The following RPL4 variants were observed in gnomAD, a reference collection of about 807,000 sequenced individuals.
The protein encoded by RPL4 is ribosomal protein L4.
Under a neutral mutation model 47.7 loss-of-function variants are expected in RPL4, and 3 were observed. The ratio of observed to expected loss-of-function variants is 0.06; its 90% CI spans 0.03 to 0.16. The LOEUF is 0.16. RPL4 is among the 10% of genes least tolerant of loss of function. RPL4 has a pLI of 1.00. For missense variants in RPL4, 413 were observed against 551.3 expected (o/e 0.75, Z 2.51); for synonymous variants, 208 against 182.1 (o/e 1.14, Z -1.15).
chr15:66,503,772 C>G (rs1324634656), intron 1 of RPL4, among the ~76,000 whole-genome samples: 2 of 152,228 alleles, frequency 1.3e-5, no homozygotes, highest in Admixed American at 6.5e-5. Context: ...TTATAAAGCA[C>G]AATAGCTAAA....
At chr15:66,501,605 T>G (rs1000707260) in intron 5 of RPL4, 101 bp from the exon 6 acceptor site, 2 of 1,547,308 alleles carry the variant, frequency 1.3e-6, no homozygotes, top group Admixed American at 1.8e-5. Flanking sequence ...CTGGGCACAA[T>G]AACTTGCCAA....
In RPL4 at chr15:66,499,518, C is replaced by T; in HGVS notation, c.1173G>A (p.Lys391=). The T allele has an allele frequency of 6.2e-7, 1 of 1,612,516 alleles. No individual in the cohort carries two copies. ...KGKKAAVGVK[K]QKKPLVGKKA... ...TTTTTCCCACCAGAGGCTTCTTCTGCTTCTTAACACCAACAGCAGCCTTCT... is the reference window on the plus strand; with the variant it reads ...TTTTTCCCACCAGAGGCTTCTTCTGTTTCTTAACACCAACAGCAGCCTTCT... The change falls in exon 10 of 10, where the codon AAG becomes AAA. Residue 391 remains lysine, a synonymous_variant. Coordinates refer to ENST00000307961, the MANE Select transcript of RPL4 (RefSeq NM_000968.4).
intron 4 of RPL4, chr15:66,502,157 A>G (rs1893632100): frequency 8.0e-6 from 5 of 624,850 alleles, no homozygotes; most frequent in Admixed American, 6.4e-5. Flanking sequence ...CTAAGGATAT[A>G]CTAAACTACT....
chr15:66,503,252 A>C (rs1893661244), intron 2 of RPL4, 88 bp from the exon 3 acceptor site: 1 of 1,586,266 alleles, frequency 6.3e-7, no homozygotes. Context: ...CAGCATCAGA[A>C]CATCCGAGAA....
intron 9 of RPL4, 94 bp from the exon 10 acceptor site, chr15:66,499,746 G>A (rs1214065131): frequency 2.8e-5 from 44 of 1,544,144 alleles, no homozygotes; most frequent in Admixed American, 1.4e-4. Flanking sequence ...CAAACCAGCC[G>A]GGCACGGTGG....
At position 66,500,951 on chromosome 15, in the gene RPL4, G is replaced by A; in HGVS notation, c.831C>T (p.Tyr277=). 6 of 1,613,606 alleles carry A rather than the reference G, an allele frequency of 3.7e-6. No individual in the cohort carries two copies. Among genetic ancestry groups the A allele is most frequent in the Non-Finnish European group, 5.1e-6 (6 of 1,179,772 alleles). ...CTTAGTATATGAAAGATACTTACTT[G>A]TAGTTACTCTTGAGGGAAGCGGCTT... is the stretch of plus-strand genomic sequence containing the variant. ...WRKAASLKSN[Y]NLPMHKMINT... Residue 277 remains tyrosine, a splice_region_variant and synonymous_variant, in exon 7 of 10, where the codon TAC becomes TAT. Transcript: ENST00000307961.
chr15:66,503,839 C>A (rs1567035834), intron 1 of RPL4, among the ~76,000 whole-genome samples: 2 of 152,160 alleles, frequency 1.3e-5, no homozygotes, highest in Non-Finnish European at 2.9e-5. Context: ...ATCAGCAAAT[C>A]CTGTCTACCC....
chr15:66,499,836 AAT>A, intron 9 of RPL4, 184 bp from the exon 10 acceptor site: 1 of 926,634 alleles, frequency 1.1e-6, no homozygotes, highest in Non-Finnish European at 1.6e-6. Context: ...CCAGCCTAAC[AAT>A]ATAGTGACAC....
chr15:66,499,474 T>C lies in RPL4; in HGVS notation c.1217A>G (p.Lys406Arg). 1 of 1,612,018 alleles carries C rather than the reference T, an allele frequency of 6.2e-7. No homozygotes were observed. The highest frequency in any genetic ancestry group is 8.5e-7 in the Non-Finnish European group (1 of 1,179,856). ...TGCAGGCTTCTTTTCAGGGGCTGGT[T>C]TCTTGGTAGCTGCTGCCTTTTTTCC... ...LVGKKAAATK[K>R]PAPEKKPAEK... is the part of the protein sequence containing the mutation. Residue 406 changes from lysine (K) to arginine (R), a missense_variant, in exon 10 of 10, where the codon AAA becomes AGA. Transcript: ENST00000307961.
rs754564215 is a variant in RPL4, at chr15:66,504,840, G to C, written c.-50C>G. 1 of 1,606,456 alleles carries C rather than the reference G, an allele frequency of 6.2e-7. No homozygotes were observed. Among genetic ancestry groups the C allele is most frequent in the Non-Finnish European group, 8.5e-7 (1 of 1,176,830 alleles). On this transcript the variant is annotated 5_prime_UTR_variant, in exon 1 of 10. Coordinates refer to ENST00000307961, the MANE Select transcript of RPL4 (RefSeq NM_000968.4). ...TCCTCTCAGCCCGGCTGCTGCCACA[G>C]GAAAAGGAAGTGCTTACCACTCCCG... is the stretch of plus-strand genomic sequence containing the variant.
chr15:66,502,336 A>G, intron 4 of RPL4: 1 of 425,294 alleles, frequency 2.4e-6, no homozygotes, highest in Admixed American at 4.1e-5. Flanking sequence ...GGCATTTTGT[A>G]TCACTGATAC....
rs775832251 is a variant in RPL4, at chr15:66,501,832, C to G, written c.502G>C (p.Val168Leu). ...GCTTTAAGTTTCTTAAGGAGCAAAA[C>G]AGCTTCCTTGGTCTTCTTGTAGCCT... ...VEGYKKTKEA[V>L]LLLKKLKAWN... Residue 168 changes from valine to leucine, a missense_variant, in exon 5 of 10, where the codon GTT (valine) becomes CTT (leucine). Physicochemically the swap from Val to Leu is conservative, Grantham distance 32. This residue lies in a region of RPL4 where 214 missense variants were observed against 304.2 expected (regional missense o/e 0.70). Transcript: ENST00000307961. 8.1e-6 allele frequency: 13 copies of G among 1,611,694 alleles called. No individual in the cohort carries two copies. Among genetic ancestry groups the G allele is most frequent in the Non-Finnish European group, 1.1e-5 (13 of 1,179,888 alleles).
At position 66,500,053 on chromosome 15, in the gene RPL4, C is replaced by T. The variant is rs1893578813; in HGVS notation, c.1038+3G>A. The T allele has an allele frequency of 6.2e-7, 1 of 1,611,566 alleles. No homozygotes were observed. The highest frequency in any genetic ancestry group is 8.5e-7 in the Non-Finnish European group (1 of 1,179,752). Reference sequence around the variant, plus strand: ...CAAACAAACAAACAAAAACTCCACTCACATTCCTGGCCTGGCGAAGAATGG... The same window carrying T: ...CAAACAAACAAACAAAAACTCCACTTACATTCCTGGCCTGGCGAAGAATGG... On this transcript the variant is annotated splice_donor_region_variant and intron_variant, in intron 9 of 9. Coordinates refer to ENST00000307961, the MANE Select transcript of RPL4 (RefSeq NM_000968.4).
intron 6 of RPL4, 82 bp from the exon 7 acceptor site, chr15:66,501,187 A>C: frequency 6.3e-7 from 1 of 1,580,766 alleles, no homozygotes; most frequent in Non-Finnish European, 8.7e-7. Flanking sequence ...AGAGCTATAA[A>C]AGGTACCTGA....
intron 1 of RPL4, 87 bp from the exon 2 acceptor site, chr15:66,503,616 C>T: frequency 3.6e-6 from 5 of 1,377,026 alleles, no homozygotes; most frequent in Non-Finnish European, 4.9e-6. Context: ...ATTAAATACT[C>T]AATTGCAGAA....
chr15:66,499,602 G>A lies in RPL4; in HGVS notation c.1089C>T (p.Ala363=), dbSNP rs1200860702. The change falls in exon 10 of 10, where the codon GCC becomes GCT. Residue 363 remains alanine (A), a synonymous_variant. Transcript: ENST00000307961. ...KAAAAAAALQ[A]KSDEKAAVAG... ...CAACCGCCGCCTTCTCATCTGATTT[G>A]GCTTGTAGTGCCGCTGCTGCAGCAG... 4 of 1,613,840 alleles carry A rather than the reference G, an allele frequency of 2.5e-6. No individual in the cohort carries two copies. The African/African-American group carries it at 4.0e-5, about 16-fold the overall frequency.
chr15:66,504,513 GCA>G (rs1458191570), intron 1 of RPL4, among the ~76,000 whole-genome samples: 6 of 152,128 alleles, frequency 3.9e-5, no homozygotes. Flanking sequence ...GGCTAAATAA[GCA>G]AATATTCTAA....
intron 1 of RPL4, among the ~76,000 whole-genome samples, chr15:66,504,310 C>A (rs868748365): frequency 6.6e-6 from 1 of 152,148 alleles, no homozygotes; most frequent in South Asian, 2.1e-4. Flanking sequence ...TTAACTCCCC[C>A]GGCACACAAC....
Position 66,501,904 on chromosome 15 carries a change from T to C in RPL4, c.430A>G (p.Ile144Val), listed in dbSNP as rs781279186. 8.1e-6 allele frequency: 13 copies of C among 1,608,992 alleles called. No individual in the cohort carries two copies. Among genetic ancestry groups the C allele is most frequent in the East Asian group, 4.5e-5 (2 of 44,858 alleles). The change falls in exon 5 of 10, where the codon ATT becomes GTT. Residue 144 changes from isoleucine to valine, a missense_variant. Transcript: ENST00000307961. ...AAAGGAAGTTCAGGAACTTCCTCAATACGATGACCTAACAAAAACCAATGA... is the reference window on the plus strand; with the variant it reads ...AAAGGAAGTTCAGGAACTTCCTCAACACGATGACCTAACAAAAACCAATGA... ...PALVMSKGHR[I>V]EEVPELPLVV...
Sources: gnomAD v4.1 joint callset for allele counts (sites outside exome capture counted in the v4.1 genomes callset) on GRCh38, gnomAD v4.1.1 for gene constraint, gnomAD v4.1.1 regional missense constraint, MANE v1.5 for transcripts, NCBI Gene and HGNC (gene_info 2026-07-23, HGNC 2026-07-21) for gene names.